CADPS2: variants seen among roughly 807,000 people sequenced by gnomAD.
CADPS2 encodes the protein calcium-dependent secretion activator 2.
A neutral mutation model predicts 172.5 loss-of-function variants in CADPS2; 93 were observed. The observed-to-expected ratio is 0.54, with a 90% CI of 0.46 to 0.64. The LOEUF (loss-of-function observed/expected upper bound fraction) is 0.64. Ranked by LOEUF, CADPS2 falls within the 30% of genes least tolerant of loss-of-function variation. The pLI is 0.00. For missense variants in CADPS2, 1,420 were observed against 1,565.9 expected (o/e 0.91, Z 1.57); for synonymous variants, 546 against 555.2 (o/e 0.98, Z 0.23).
Position 122,319,174 on chromosome 7 carries a change from T to C in CADPS2, c.*991A>G, listed in dbSNP as rs2031871456. The C allele has an allele frequency of 6.6e-6, 1 of 152,230 alleles. No homozygotes were observed. Among genetic ancestry groups the C allele is most frequent in the Non-Finnish European group, 1.5e-5 (1 of 68,036 alleles). 9.4% of individuals were successfully genotyped at this position (152,230 alleles called of 1,614,324 possible). On this transcript the variant is annotated 3_prime_UTR_variant, in exon 30 of 30. Coordinates refer to ENST00000449022, the MANE Select transcript of CADPS2 (RefSeq NM_017954.11). ...ATATATTTCCTCTGCTATGGAAATA[T>C]GCTGTCATAGTAATTCTTTTAACAA...
At chr7:122,722,532 G>A (rs967100262) in intron 2 of CADPS2, among the ~76,000 whole-genome samples, 1 of 151,556 alleles carries the variant, frequency 6.6e-6, no homozygotes, top group Non-Finnish European at 1.5e-5. Flanking sequence ...GCTGCTCAAC[G>A]AAATAAAAAA....
At chr7:122,771,480 G>A (rs1329557877) in intron 1 of CADPS2, among the ~76,000 whole-genome samples, 1 of 152,100 alleles carries the variant, frequency 6.6e-6, no homozygotes, top group African/African-American at 2.4e-5. Context: ...TATTATTTAG[G>A]AGGCACATTG....
chr7:122,434,196 G>A (rs1382344663), intron 17 of CADPS2, among the ~76,000 whole-genome samples: 1 of 152,180 alleles, frequency 6.6e-6, no homozygotes, highest in African/African-American at 2.4e-5. Flanking sequence ...CATAAGAGGT[G>A]ACAATCAGTC....
intron 2 of CADPS2, among the ~76,000 whole-genome samples, chr7:122,675,574 T>C (rs1486174877): frequency 6.6e-6 from 1 of 152,132 alleles, no homozygotes; most frequent in Admixed American, 6.5e-5. Context: ...GCAATAAACA[T>C]ATGTGTGCAT....
chr7:122,478,718 A>T (rs187929910), intron 12 of CADPS2, among the ~76,000 whole-genome samples: 1 of 152,276 alleles, frequency 6.6e-6, no homozygotes, highest in African/African-American at 2.4e-5. Flanking sequence ...TGTGAGGACT[A>T]TCAGTGAGGG....
chr7:122,479,763 G>A (rs1432229701), intron 12 of CADPS2, among the ~76,000 whole-genome samples: 1 of 152,054 alleles, frequency 6.6e-6, no homozygotes. Flanking sequence ...AAAGACAAAT[G>A]CTTTCCCTAT....
chr7:122,537,920 C>A lies in CADPS2; in HGVS notation c.1475+16630G>T, dbSNP rs148787842. 4.7e-3 allele frequency among the ~76,000 whole-genome samples: 715 copies of A among 151,154 alleles called. 7 individuals are homozygous for A. The highest frequency in any genetic ancestry group is 0.017 in the African/African-American group (693 of 41,328). ...AGAAGATTTTAAATAATATTAATAG[C>A]TAAATCTAATAATAATCTGGAAAAA... On this transcript the variant is annotated intron_variant, in intron 8 of 29. Coordinates refer to ENST00000449022, the MANE Select transcript of CADPS2 (RefSeq NM_017954.11).
intron 17 of CADPS2, among the ~76,000 whole-genome samples, chr7:122,428,299 C>T (rs2049413994): frequency 6.6e-6 from 1 of 152,054 alleles, no homozygotes; most frequent in Non-Finnish European, 1.5e-5. Context: ...GGTTGCAAAT[C>T]ATAATTGTCA....
intron 2 of CADPS2, among the ~76,000 whole-genome samples, chr7:122,730,097 T>C (rs578051354): frequency 8.5e-4 from 129 of 151,870 alleles, no homozygotes; most frequent in Middle Eastern, 3.4e-3. Flanking sequence ...AATCACATCA[T>C]AACAGAGGGT....
chr7:122,380,641 T>C (rs2042889591), intron 24 of CADPS2, among the ~76,000 whole-genome samples: 1 of 152,046 alleles, frequency 6.6e-6, no homozygotes, highest in African/African-American at 2.4e-5. Flanking sequence ...AAGGATAATT[T>C]TGGAGTGTCT....
intron 7 of CADPS2, 30 bp from the exon 8 acceptor site, chr7:122,554,719 C>T (rs368513084): frequency 6.5e-5 from 102 of 1,559,284 alleles, no homozygotes; most frequent in African/African-American, 3.6e-4. Context: ...CACATTTAAA[C>T]GCATGATACG....
chr7:122,690,179 C>A lies in CADPS2; in HGVS notation c.454-26610G>T, dbSNP rs536090100. ...TGAAACAACAAAGCAAGCACGGATA[C>A]TAACCAGGGTAAATCACGTCCCTCA... On this transcript the variant is annotated intron_variant, in intron 2 of 29. Transcript: ENST00000449022. 1.4e-4 allele frequency among the ~76,000 whole-genome samples: 22 copies of A among 152,292 alleles called. No individual in the cohort carries two copies. In the East Asian group the frequency reaches 3.7e-3, roughly 26 times the overall value.
intron 4 of CADPS2, among the ~76,000 whole-genome samples, chr7:122,627,421 T>C (rs1234733343): frequency 2.6e-5 from 4 of 152,212 alleles, no homozygotes; most frequent in South Asian, 2.1e-4. Context: ...TTTAGAGGTA[T>C]ATTTTGCTTT....
chr7:122,804,785 G>A (rs1375804463), intron 1 of CADPS2, among the ~76,000 whole-genome samples: 1 of 152,114 alleles, frequency 6.6e-6, no homozygotes, highest in Non-Finnish European at 1.5e-5. Flanking sequence ...GTCTTGCCTT[G>A]AAGTCAACTG....
At chr7:122,588,190 T>G (rs995722536) in intron 6 of CADPS2, among the ~76,000 whole-genome samples, 1 of 152,176 alleles carries the variant, frequency 6.6e-6, no homozygotes, top group Non-Finnish European at 1.5e-5. Flanking sequence ...TAGTTTCTTT[T>G]GCTGTGCAGA....
chr7:122,487,906 T>A (rs1419951439), intron 11 of CADPS2, among the ~76,000 whole-genome samples: 1 of 152,128 alleles, frequency 6.6e-6, no homozygotes. Context: ...CATGGATAAA[T>A]TTTAAAAACA....
chr7:122,698,003 T>C (rs371685730), intron 2 of CADPS2: 1 of 1,613,268 alleles, frequency 6.2e-7, no homozygotes, highest in Non-Finnish European at 8.5e-7. Flanking sequence ...ACCACTTGAA[T>C]CCCCAAAACT....
intron 18 of CADPS2, 21 bp from the exon 19 acceptor site, chr7:122,414,097 G>A (rs776868158): frequency 4.6e-6 from 7 of 1,525,844 alleles, no homozygotes; most frequent in Non-Finnish European, 6.1e-6. Flanking sequence ...CCAAGAATTT[G>A]GAAGCATTGC....
intron 4 of CADPS2, among the ~76,000 whole-genome samples, chr7:122,625,487 C>A (rs1056944314): frequency 5.9e-5 from 9 of 152,116 alleles, no homozygotes; most frequent in African/African-American, 2.2e-4. Context: ...ATCGGATCAC[C>A]CTCCTACATC....
Sources: gnomAD v4.1 joint callset for allele counts (sites outside exome capture counted in the v4.1 genomes callset) on GRCh38, gnomAD v4.1.1 for gene constraint, MANE v1.5 for transcripts, NCBI Gene and HGNC (gene_info 2026-07-23, HGNC 2026-07-21) for gene names.